Variants in NF1 observed in about 807,000 individuals in gnomAD.
The protein encoded by NF1 is neurofibromin 1.
In NF1, 122 loss-of-function variants were observed where a neutral mutation model predicts 325.7. The ratio of observed to expected loss-of-function variants is 0.37; its 90% CI spans 0.32 to 0.44. The LOEUF (loss-of-function observed/expected upper bound fraction) is 0.44, where lower values mean the gene tolerates loss of function less well. Among genes scored for constraint, NF1 ranks in the 20% least tolerant of loss-of-function variants. The pLI is 1.00. For synonymous variants in NF1, 1,091 were observed against 1,186.0 expected, an observed-to-expected ratio of 0.92 and a Z score of 1.65; for missense variants, 2,140 against 3,415.4, an observed-to-expected ratio of 0.63 and a Z score of 9.31.
chr17:31,319,090 A>G, intron 36 of NF1: 3 of 1,476,886 alleles, frequency 2.0e-6, no homozygotes, highest in Non-Finnish European at 2.7e-6. Context: ...TGGTAATTGT[A>G]GTTAAAAGAT....
At chr17:31,319,276 G>A (rs1190935582) in intron 36 of NF1, among the ~76,000 whole-genome samples, 1 of 151,806 alleles carries the variant, frequency 6.6e-6, no homozygotes, top group African/African-American at 2.4e-5. Flanking sequence ...CATTTTAAGT[G>A]GACTATCATG....
At chr17:31,117,014 C>T (rs895861496) in intron 1 of NF1, among the ~76,000 whole-genome samples, 12 of 151,676 alleles carry the variant, frequency 7.9e-5, no homozygotes, top group Non-Finnish European at 1.0e-4. Context: ...GATGGAGTCT[C>T]ACTATTGCCC....
chr17:31,149,035 T>G (rs1276179604), intron 1 of NF1, among the ~76,000 whole-genome samples: 3 of 152,114 alleles, frequency 2.0e-5, no homozygotes, highest in African/African-American at 7.2e-5. Context: ...TTTCTTAATA[T>G]AAGAAACATA....
chr17:31,305,188 G>A (rs1480297578), intron 36 of NF1: 12 of 1,614,172 alleles, frequency 7.4e-6, no homozygotes, highest in Non-Finnish European at 9.3e-6. Flanking sequence ...ATAGACAAAT[G>A]ACTTTGGTGG....
chr17:31,365,208 C>T (rs1033910125), intron 57 of NF1, among the ~76,000 whole-genome samples: 5 of 137,670 alleles, frequency 3.6e-5, no homozygotes, highest in African/African-American at 1.1e-4. Flanking sequence ...TCACCTGAGC[C>T]GGAGAGGTCA....
Position 31,315,044 on chromosome 17 carries a change from C to G in NF1, c.4836-10776C>G, listed in dbSNP as rs571199679. 1.1e-4 allele frequency among the ~76,000 whole-genome samples: 16 copies of G among 152,256 alleles called. 1 individual carries two copies. The highest frequency in any genetic ancestry group is 5.2e-4 in the Admixed American group (8 of 15,302). ...CATTGTAGTTTTGATTTGCATTTCT[C>G]TCATCAGTGGTGCTGAGTACCCTTT... On this transcript the variant is annotated intron_variant, in intron 36 of 57. Transcript: ENST00000358273.
In NF1 at chr17:31,375,420, G is replaced by A. The variant is rs1321596720; in HGVS notation, c.*1265G>A. 4.3e-6 allele frequency: 1 copy of A among 231,520 alleles called. No individual in the cohort carries two copies. 14.3% of individuals were successfully genotyped at this position (231,520 alleles called of 1,614,324 possible). On this transcript the variant is annotated 3_prime_UTR_variant, in exon 58 of 58. Transcript: ENST00000358273. ...GGCTGTTAGAATTGCTGCTATACTG[G>A]TGGTATGGATTATCATGGCATTGGA...
chr17:31,097,459 C>CAAAAAA (rs71142015), intron 1 of NF1, among the ~76,000 whole-genome samples: 2 of 78,336 alleles, frequency 2.6e-5, no homozygotes, highest in East Asian at 3.5e-4. Context: ...CTCTTGTCTC[C>CAAAAAA]AAAAAAAAAA....
chr17:31,154,933 T>TTCACCATG (rs1468780257), intron 1 of NF1, among the ~76,000 whole-genome samples: 3 of 151,940 alleles, frequency 2.0e-5, no homozygotes, highest in South Asian at 2.1e-4. Flanking sequence ...AGAGTCTGGG[T>TTCACCATG]TCACCATGTT....
intron 48 of NF1, among the ~76,000 whole-genome samples, chr17:31,345,263 G>A (rs972852204): frequency 2.6e-5 from 4 of 152,196 alleles, no homozygotes; most frequent in Admixed American, 6.5e-5. Flanking sequence ...GGCTCTTAGA[G>A]CATATACTTC....
At chr17:31,287,577 T>TGTGTGA (rs530472361) in intron 36 of NF1, among the ~76,000 whole-genome samples, 24 of 149,580 alleles carry the variant, frequency 1.6e-4, no homozygotes, top group African/African-American at 5.4e-4. Flanking sequence ...TGTGTGTGTG[T>TGTGTGA]GACACAGGGT....
intron 31 of NF1, among the ~76,000 whole-genome samples, chr17:31,254,507 C>A (rs1210572626): frequency 6.6e-6 from 1 of 151,948 alleles, no homozygotes; most frequent in East Asian, 1.9e-4. Flanking sequence ...ATGCTTCAGC[C>A]TTCTAATTCT....
chr17:31,370,540 A>T (rs1256794940), intron 57 of NF1, among the ~76,000 whole-genome samples: 1 of 152,148 alleles, frequency 6.6e-6, no homozygotes, highest in Non-Finnish European at 1.5e-5. Flanking sequence ...TTTGACGGTT[A>T]TTTGCTTCAC....
At chr17:31,172,271 A>C (rs1221845180) in intron 5 of NF1, among the ~76,000 whole-genome samples, 1 of 152,052 alleles carries the variant, frequency 6.6e-6, no homozygotes, top group East Asian at 1.9e-4. Flanking sequence ...TTGAGGTTGC[A>C]GTAAGCTGTG....
intron 5 of NF1, among the ~76,000 whole-genome samples, chr17:31,171,545 C>G (rs369323128): frequency 6.6e-6 from 1 of 152,304 alleles, no homozygotes; most frequent in South Asian, 2.1e-4. Context: ...ACTGAAATGT[C>G]TCTTCTGTCC....
chr17:31,109,361 A>G lies in NF1; in HGVS notation c.60+13992A>G, dbSNP rs1003499067. ...ATGACTCTCAGCAATGCTTTTTTTC[A>G]GATTTGAAGATCATTTTCTTTTTTT... is the stretch of plus-strand genomic sequence containing the variant. On this transcript the variant is annotated intron_variant, in intron 1 of 57. Transcript: ENST00000358273. 3.3e-5 allele frequency among the ~76,000 whole-genome samples: 5 copies of G among 151,234 alleles called. No homozygotes were observed. The East Asian group carries it at 7.7e-4, about 23-fold the overall frequency.
intron 12 of NF1, among the ~76,000 whole-genome samples, chr17:31,208,332 A>G (rs1031067510): frequency 1.3e-5 from 2 of 152,192 alleles, no homozygotes; most frequent in African/African-American, 4.8e-5. Flanking sequence ...TATTACCAGG[A>G]GAGAAAATAA....
At chr17:31,285,088 CA>C (rs1002576462) in intron 36 of NF1, among the ~76,000 whole-genome samples, 2 of 152,058 alleles carry the variant, frequency 1.3e-5, no homozygotes, top group African/African-American at 4.8e-5. Context: ...CACTGCACTC[CA>C]GCCTGGGTGA....
rs952604656 is a variant in NF1 at position 31,304,039 on chromosome 17, T to C, written c.4836-21781T>C. The C allele has an allele frequency of 6.6e-5, 28 of 422,350 alleles. No individual in the cohort carries two copies. In the South Asian group the frequency reaches 1.1e-3, roughly 16 times the overall value. The allele number at this position is 422,350 out of a possible 1,614,324, so 26.2% of individuals were successfully genotyped here. The stretch of plus-strand genomic sequence containing the variant: ...ACATACCATTTACATATGTAAAATG[T>C]ACTATACTTTAAAGATAGGTACTAT... On this transcript the variant is annotated intron_variant, in intron 36 of 57. Coordinates refer to ENST00000358273, the MANE Select transcript of NF1 (RefSeq NM_001042492.3).
Sources: gnomAD v4.1 joint callset for allele counts (sites outside exome capture counted in the v4.1 genomes callset) on GRCh38, gnomAD v4.1.1 for gene constraint, MANE v1.5 for transcripts, NCBI Gene and HGNC (gene_info 2026-07-23, HGNC 2026-07-21) for gene names.